Variants in STARD13 observed in about 807,000 individuals in gnomAD.
The protein encoded by STARD13 is StAR related lipid transfer domain containing 13, also known as stAR-related lipid transfer protein 13.
Under a neutral mutation model 106.4 loss-of-function variants are expected in STARD13, and 62 were observed. The observed-to-expected ratio is 0.58, with a 90% CI of 0.48 to 0.72. STARD13 has a LOEUF of 0.72. Among genes scored for constraint, STARD13 ranks in the 30% least tolerant of loss-of-function variants. The pLI is 0.00. For missense variants in STARD13, 1,387 were observed against 1,424.0 expected (o/e 0.97, Z 0.42); for synonymous variants, 565 against 553.0 (o/e 1.02, Z -0.31).
intron 1 of STARD13, among the ~76,000 whole-genome samples, chr13:33,213,336 T>C (rs1887832394): frequency 6.6e-6 from 1 of 152,160 alleles, no homozygotes. Flanking sequence ...AAAAAAATCT[T>C]GTCGGCAAAG....
chr13:33,643,808 T>C, the STARD13 span, among the ~76,000 whole-genome samples: 8 of 152,176 alleles, frequency 5.3e-5, no homozygotes, highest in Non-Finnish European at 7.3e-5. Flanking sequence ...CTCAGACTAC[T>C]CTCTTGCATC....
At chr13:33,374,821 G>C in the STARD13 span, among the ~76,000 whole-genome samples, 4 of 152,024 alleles carry the variant, frequency 2.6e-5, no homozygotes, top group African/African-American at 9.7e-5. Flanking sequence ...AGCAGTGTTT[G>C]TCAAACTTTA....
At chr13:33,670,395 CG>C in the STARD13 span, among the ~76,000 whole-genome samples, 1 of 152,126 alleles carries the variant, frequency 6.6e-6, no homozygotes, top group Admixed American at 6.6e-5. Flanking sequence ...CCAAAGATCG[CG>C]TTGCATTTTT....
At chr13:33,602,485 G>A in the STARD13 span, among the ~76,000 whole-genome samples, 1 of 152,208 alleles carries the variant, frequency 6.6e-6, no homozygotes, top group African/African-American at 2.4e-5. Flanking sequence ...AGAGCACATA[G>A]ATATGATCTG....
At chr13:33,167,422 C>T (rs797229) in intron 2 of STARD13, 129 bp downstream of exon 2, 436,169 of 841,980 alleles carry the variant, frequency 0.52, 122,201 homozygotes, top group Non-Finnish European at 0.57. Context: ...GCAAAAAGGC[C>T]GAGGGAAAAA....
the STARD13 span, among the ~76,000 whole-genome samples, chr13:33,481,485 C>T: frequency 2.0e-5 from 3 of 151,910 alleles, no homozygotes; most frequent in African/African-American, 7.3e-5. Context: ...ATAGAAAACA[C>T]GGAGGATAAA....
At chr13:33,145,272 A>T (rs1287579647) in intron 3 of STARD13, among the ~76,000 whole-genome samples, 1 of 152,266 alleles carries the variant, frequency 6.6e-6, no homozygotes, top group East Asian at 1.9e-4. Context: ...ATCATCAGTC[A>T]TGAAAGAAAT....
chr13:33,550,145 CA>C, the STARD13 span, among the ~76,000 whole-genome samples: 1 of 152,294 alleles, frequency 6.6e-6, no homozygotes, highest in African/African-American at 2.4e-5. Context: ...CCTTATCAAG[CA>C]GTGCCAAAAT....
the STARD13 span, among the ~76,000 whole-genome samples, chr13:33,564,965 T>A: frequency 7.5e-6 from 1 of 133,738 alleles, no homozygotes; most frequent in South Asian, 2.4e-4. Context: ...TGCAGTCCAG[T>A]CTGGGTAACA....
the STARD13 span, among the ~76,000 whole-genome samples, chr13:33,672,198 G>A: frequency 3.9e-3 from 598 of 152,250 alleles, 10 homozygotes; most frequent in South Asian, 0.011. Context: ...AAAAAGAATG[G>A]GTTCATGTCC....
chr13:33,563,083 G>A, the STARD13 span, among the ~76,000 whole-genome samples: 2 of 146,620 alleles, frequency 1.4e-5, no homozygotes, highest in Admixed American at 7.0e-5. Context: ...ACTGATGAAC[G>A]AAATTGAAGA....
At chr13:33,340,650 C>A (rs1433993137) in intron 1 of STARD13, among the ~76,000 whole-genome samples, 2 of 152,116 alleles carry the variant, frequency 1.3e-5, no homozygotes, top group African/African-American at 4.8e-5. Flanking sequence ...ATAATGAAGC[C>A]TCTATTGTAC....
At chr13:33,266,164 G>A (rs530615679) in intron 1 of STARD13, among the ~76,000 whole-genome samples, 1 of 152,158 alleles carries the variant, frequency 6.6e-6, no homozygotes, top group African/African-American at 2.4e-5. Context: ...TCACCTCCTG[G>A]CTCCGCTAGT....
At chr13:33,549,118 CAG>C in the STARD13 span, among the ~76,000 whole-genome samples, 2 of 152,100 alleles carry the variant, frequency 1.3e-5, no homozygotes, top group African/African-American at 2.4e-5. Flanking sequence ...AAATAAAACA[CAG>C]AAACTTCATA....
the STARD13 span, among the ~76,000 whole-genome samples, chr13:33,539,543 A>G: frequency 5.9e-4 from 90 of 152,372 alleles, no homozygotes; most frequent in African/African-American, 2.1e-3. Context: ...AAGAACAGAC[A>G]TATTTATCAA....
the STARD13 span, among the ~76,000 whole-genome samples, chr13:33,375,256 T>C: frequency 6.6e-6 from 1 of 152,036 alleles, no homozygotes; most frequent in East Asian, 1.9e-4. Flanking sequence ...AAGAGGCAAG[T>C]AGGGGTGAGA....
chr13:33,325,766 G>A (rs1167781455), intron 1 of STARD13, among the ~76,000 whole-genome samples: 1 of 151,952 alleles, frequency 6.6e-6, no homozygotes, highest in East Asian at 1.9e-4. Context: ...AGGCCGAGGC[G>A]GACGGATCAC....
the STARD13 span, among the ~76,000 whole-genome samples, chr13:33,572,322 G>T: frequency 2.6e-5 from 4 of 152,126 alleles, no homozygotes; most frequent in Admixed American, 6.6e-5. Flanking sequence ...CTGAGTTTTG[G>T]CCAATCAAAT....
intron 3 of STARD13, among the ~76,000 whole-genome samples, chr13:33,152,844 C>T (rs546625261): frequency 3.3e-5 from 5 of 152,130 alleles, no homozygotes; most frequent in Admixed American, 2.0e-4. Flanking sequence ...CGTTAATTCC[C>T]GTATTACATG....
Sources: allele counts gnomAD v4.1 joint callset (sites outside exome capture counted in the v4.1 genomes callset), GRCh38; gene constraint gnomAD v4.1.1; transcripts MANE v1.5; gene names NCBI Gene and HGNC (gene_info 2026-07-23, HGNC 2026-07-21).